Variants in NALF1 observed in about 807,000 individuals in gnomAD.
NALF1 encodes the protein NALCN channel auxiliary factor 1.
A neutral mutation model predicts 48.4 loss-of-function variants in NALF1; 3 were observed. The observed-to-expected ratio is 0.06, with a 90% confidence interval of 0.03 to 0.16. The LOEUF is 0.16. Ranked by LOEUF, NALF1 falls within the 10% of genes least tolerant of loss-of-function variation. The pLI is 1.00. For missense variants in NALF1, 526 were observed against 571.5 expected, an observed-to-expected ratio of 0.92 and a Z score of 0.81; for synonymous variants, 262 against 245.7, an observed-to-expected ratio of 1.07 and a Z score of -0.62.
chr13:107,612,197 T>G (rs905758041), intron 1 of NALF1, among the ~76,000 whole-genome samples: 3 of 149,080 alleles, frequency 2.0e-5, no homozygotes, highest in African/African-American at 7.5e-5. Context: ...CAATAATGCA[T>G]GATTCCAATT....
intron 2 of NALF1, among the ~76,000 whole-genome samples, chr13:107,189,415 T>A (rs1360994548): frequency 6.6e-6 from 1 of 152,136 alleles, no homozygotes; most frequent in African/African-American, 2.4e-5. Context: ...ACCAAATATA[T>A]CATTTAATTT....
At chr13:107,606,441 C>T (rs1879072628) in intron 1 of NALF1, among the ~76,000 whole-genome samples, 1 of 151,964 alleles carries the variant, frequency 6.6e-6, no homozygotes, top group Admixed American at 6.6e-5. Context: ...TCTCTGCTCA[C>T]TGCAACCTCT....
At chr13:107,460,020 G>A (rs1200666346) in intron 1 of NALF1, among the ~76,000 whole-genome samples, 1 of 152,188 alleles carries the variant, frequency 6.6e-6, no homozygotes, top group East Asian at 1.9e-4. Context: ...GGGATTATAG[G>A]CATGAGCCAC....
At chr13:107,428,132 AGAGCT>A (rs1216979484) in intron 1 of NALF1, among the ~76,000 whole-genome samples, 1 of 152,204 alleles carries the variant, frequency 6.6e-6, no homozygotes, top group East Asian at 1.9e-4. Flanking sequence ...TTAATAAAAC[AGAGCT>A]GCCTCTGGCT....
At chr13:107,551,978 C>T (rs1877307362) in intron 1 of NALF1, among the ~76,000 whole-genome samples, 1 of 152,062 alleles carries the variant, frequency 6.6e-6, no homozygotes, top group Non-Finnish European at 1.5e-5. Context: ...TCTAATTATG[C>T]TGTTAAAGGT....
intron 1 of NALF1, among the ~76,000 whole-genome samples, chr13:107,252,445 A>AC (rs1444538427): frequency 1.1e-4 from 16 of 151,468 alleles, no homozygotes; most frequent in South Asian, 2.1e-4. Flanking sequence ...GGAGAAAGAG[A>AC]GGGACAGACA....
intron 1 of NALF1, among the ~76,000 whole-genome samples, chr13:107,456,162 C>A (rs1594072574): frequency 6.6e-6 from 1 of 152,216 alleles, no homozygotes; most frequent in East Asian, 1.9e-4. Context: ...TCTCAGAAGG[C>A]AGAAAGCAAC....
chr13:107,364,865 T>C (rs1883123989), intron 1 of NALF1, among the ~76,000 whole-genome samples: 1 of 151,934 alleles, frequency 6.6e-6, no homozygotes, highest in Non-Finnish European at 1.5e-5. Flanking sequence ...CAATATCTGA[T>C]TCTGTGAACA....
intron 1 of NALF1, among the ~76,000 whole-genome samples, chr13:107,644,326 A>G (rs1340768367): frequency 1.3e-5 from 2 of 151,898 alleles, no homozygotes; most frequent in Non-Finnish European, 2.9e-5. Context: ...AAACACTACT[A>G]CATACTCAGA....
intron 1 of NALF1, among the ~76,000 whole-genome samples, chr13:107,739,645 A>C (rs1876573808): frequency 6.6e-6 from 1 of 152,170 alleles, no homozygotes; most frequent in Non-Finnish European, 1.5e-5. Flanking sequence ...CAATTTATTA[A>C]GACCTCAAGA....
intron 1 of NALF1, among the ~76,000 whole-genome samples, chr13:107,831,974 T>G (rs996882640): frequency 6.6e-6 from 1 of 152,124 alleles, no homozygotes; most frequent in Non-Finnish European, 1.5e-5. Context: ...AGGAAAAAAA[T>G]TTTTCATAAT....
intron 1 of NALF1, among the ~76,000 whole-genome samples, chr13:107,688,933 T>A (rs138583900): frequency 6.6e-6 from 1 of 152,296 alleles, no homozygotes; most frequent in African/African-American, 2.4e-5. Flanking sequence ...CGGAGGTCAC[T>A]GGCGAGGATG....
chr13:107,516,177 T>C (rs904197095), intron 1 of NALF1, among the ~76,000 whole-genome samples: 3 of 152,180 alleles, frequency 2.0e-5, no homozygotes, highest in Non-Finnish European at 2.9e-5. Flanking sequence ...CTGATCCACA[T>C]GCAATAAAGA....
Position 107,290,780 on chromosome 13 carries a change from T to A in NALF1, c.916-80025A>T, listed in dbSNP as rs1881605529. Among the ~76,000 whole-genome samples the A allele has an allele frequency of 3.3e-5, 5 of 152,344 alleles. No homozygotes were observed. The South Asian group carries it at 8.3e-4, about 25-fold the overall frequency. ...GCAATTTAAGTAAACAAATTGACAC[T>A]GAGGTGTGCCTTTATGTGCTACTTA... is the stretch of plus-strand genomic sequence containing the variant. On this transcript the variant is annotated intron_variant, in intron 1 of 2. Coordinates refer to ENST00000375915, the MANE Select transcript of NALF1 (RefSeq NM_001080396.3).
chr13:107,285,502 C>A (rs1293700641), intron 1 of NALF1, among the ~76,000 whole-genome samples: 1 of 152,138 alleles, frequency 6.6e-6, no homozygotes, highest in Non-Finnish European at 1.5e-5. Flanking sequence ...GCACTTCCAA[C>A]AAATGAAAAC....
chr13:107,253,700 C>G (rs547911919), intron 1 of NALF1, among the ~76,000 whole-genome samples: 45 of 152,314 alleles, frequency 3.0e-4, no homozygotes, highest in African/African-American at 1.1e-3. Flanking sequence ...ATTTGTTTCT[C>G]CAGCCACACG....
rs192385601 is a variant in NALF1 at position 107,241,710 on chromosome 13, G to A, written c.916-30955C>T. On this transcript the variant is annotated intron_variant, in intron 1 of 2. Coordinates refer to ENST00000375915, the MANE Select transcript of NALF1 (RefSeq NM_001080396.3). ...AGAAAGCCTGGCACAGATTTTTGCAGTTCCTTACTATCTGTAGGATCTTGT... is the reference window on the plus strand; with the variant it reads ...AGAAAGCCTGGCACAGATTTTTGCAATTCCTTACTATCTGTAGGATCTTGT... Among the ~76,000 whole-genome samples the A allele has an allele frequency of 1.8e-3, 271 of 152,338 alleles. 1 individual carries two copies. The highest frequency in any genetic ancestry group is 6.1e-3 in the African/African-American group (252 of 41,588).
intron 1 of NALF1, among the ~76,000 whole-genome samples, chr13:107,694,291 A>G (rs546305135): frequency 6.8e-6 from 1 of 147,062 alleles, no homozygotes; most frequent in East Asian, 2.0e-4. Flanking sequence ...CATAAGCTCA[A>G]TACTATTCCA....
chr13:107,791,583 C>T (rs992421924), intron 1 of NALF1, among the ~76,000 whole-genome samples: 2 of 151,968 alleles, frequency 1.3e-5, no homozygotes, highest in African/African-American at 4.8e-5. Flanking sequence ...TTTAAAATTC[C>T]TTTTGCAGTA....
Sources: gnomAD v4.1 joint callset for allele counts (sites outside exome capture counted in the v4.1 genomes callset) on GRCh38, gnomAD v4.1.1 for gene constraint, MANE v1.5 for transcripts, NCBI Gene and HGNC (gene_info 2026-07-23, HGNC 2026-07-21) for gene names.